Variants in QKI observed in about 807,000 individuals in gnomAD.
QKI encodes the protein QKI, KH domain containing RNA binding.
QKI carries 10 observed loss-of-function variants against 39.0 expected under a neutral mutation model. The observed-to-expected ratio is 0.26, with a 90% CI of 0.16 to 0.43. QKI has a LOEUF of 0.43. Among genes scored for constraint, QKI ranks in the 20% least tolerant of loss-of-function variants. The pLI, the probability that QKI is intolerant of heterozygous loss-of-function variation, is 1.00. For missense variants in QKI, 218 were observed against 428.0 expected (o/e 0.51, Z 4.33); for synonymous variants, 204 against 155.4 (o/e 1.31, Z -2.33).
Position 163,572,678 on chromosome 6 carries a change from C to CCCG in QKI, c.*1970_*1971insGCC, listed in dbSNP as rs1783768828. ...ATCTCAAGTGACAGTGGACCCCCCC[C>CCCG]CCCGCCCAGCTTATCAACTCGTCCC... is the stretch of plus-strand genomic sequence containing the variant. On this transcript the variant is annotated 3_prime_UTR_variant, in exon 8 of 8. Coordinates refer to ENST00000361752, the MANE Select transcript of QKI (RefSeq NM_006775.3). The CCCG allele has an allele frequency of 1.2e-5, 1 of 82,512 alleles. No individual in the cohort carries two copies. The highest frequency in any genetic ancestry group is 2.6e-5 in the Non-Finnish European group (1 of 38,756). The allele number at this position is 82,512 out of a possible 1,614,324, so 5.1% of individuals were successfully genotyped here.
intron 3 of QKI, among the ~76,000 whole-genome samples, chr6:163,509,482 G>T (rs1295353141): frequency 1.3e-5 from 2 of 152,006 alleles, no homozygotes; most frequent in African/African-American, 2.4e-5. Flanking sequence ...TAATAAAGGG[G>T]GGGGGGAATA....
chr6:163,462,576 A>C lies in QKI; in HGVS notation c.285+7155A>C, dbSNP rs139351506. On this transcript the variant is annotated intron_variant, in intron 2 of 7. Coordinates refer to ENST00000361752, the MANE Select transcript of QKI (RefSeq NM_006775.3). ...TTTAAGATTGCATATAAATAGTATA[A>C]ATTTGCCATGTTAAGGACAGATTAA... 9.8e-5 allele frequency among the ~76,000 whole-genome samples: 15 copies of C among 152,336 alleles called. No homozygotes were observed. In the East Asian group the frequency reaches 2.9e-3, roughly 29 times the overall value.
At chr6:163,568,989 G>A in intron 7 of QKI, 1 of 985,644 alleles carries the variant, frequency 1.0e-6, no homozygotes, top group Non-Finnish European at 1.2e-6. Context: ...CAGAAAAGAA[G>A]TCAGAGTTTT....
chr6:163,507,396 C>T (rs1760911470), intron 3 of QKI, among the ~76,000 whole-genome samples: 2 of 152,186 alleles, frequency 1.3e-5, no homozygotes, highest in Non-Finnish European at 2.9e-5. Flanking sequence ...CCAAGGAACT[C>T]TGTAGGATGA....
chr6:163,498,328 G>A (rs1445870178), intron 3 of QKI, among the ~76,000 whole-genome samples: 1 of 152,080 alleles, frequency 6.6e-6, no homozygotes, highest in Non-Finnish European at 1.5e-5. Flanking sequence ...GGACAATGTT[G>A]GTTTAGGCAG....
intron 4 of QKI, among the ~76,000 whole-genome samples, chr6:163,548,859 C>T (rs1241394353): frequency 6.6e-6 from 1 of 152,138 alleles, no homozygotes; most frequent in African/African-American, 2.4e-5. Flanking sequence ...CGGAAGGTGA[C>T]AGTTGAGTTA....
At chr6:163,532,170 C>T (rs9347759) in intron 3 of QKI, among the ~76,000 whole-genome samples, 127,811 of 152,222 alleles carry the variant, frequency 0.84, 54,248 homozygotes, top group East Asian at 1. Flanking sequence ...GAGGTTTCTG[C>T]GGCAAGTCAA....
Position 163,571,734 on chromosome 6 carries a change from A to G in QKI, c.*1024A>G, listed in dbSNP as rs947089421. 7.9e-5 allele frequency: 12 copies of G among 151,790 alleles called. No homozygotes were observed. The highest frequency in any genetic ancestry group is 2.9e-4 in the African/African-American group (12 of 41,412). 9.4% of individuals were successfully genotyped at this position (151,790 alleles called of 1,614,324 possible). On this transcript the variant is annotated 3_prime_UTR_variant, in exon 8 of 8. Transcript: ENST00000361752. ...TCAAGTGTTATAAAAAAAAAGAAAA[A>G]GAACAAAGAAACCCTTTATTTCATT...
At chr6:163,418,032 C>T (rs144896354) in intron 1 of QKI, among the ~76,000 whole-genome samples, 2 of 149,028 alleles carry the variant, frequency 1.3e-5, no homozygotes, top group East Asian at 3.9e-4. Flanking sequence ...TGCTTTACCC[C>T]TTTGTGGTTT....
chr6:163,495,040 C>G (rs370045188), intron 3 of QKI, among the ~76,000 whole-genome samples: 2 of 151,934 alleles, frequency 1.3e-5, no homozygotes, highest in Non-Finnish European at 2.9e-5. Context: ...CTCAGCCTCC[C>G]AGGTATCTGG....
intron 7 of QKI, chr6:163,569,468 C>G: frequency 1.6e-6 from 2 of 1,279,588 alleles, no homozygotes; most frequent in Non-Finnish European, 2.0e-6. Context: ...AAAATTCTAT[C>G]AAACCTCAGA....
Position 163,574,671 on chromosome 6 carries a change from G to C in QKI, c.*3961G>C, listed in dbSNP as rs1455371431. The C allele has an allele frequency of 2.6e-5, 4 of 152,134 alleles. No individual in the cohort carries two copies. The highest frequency in any genetic ancestry group is 5.9e-5 in the Non-Finnish European group (4 of 68,028). The allele number at this position is 152,134 out of a possible 1,614,324, so 9.4% of individuals were successfully genotyped here. A position where few individuals can be genotyped will look rare whatever the true frequency, so the allele number is the denominator to read the frequency against. On this transcript the variant is annotated 3_prime_UTR_variant, in exon 8 of 8. Coordinates refer to ENST00000361752, the MANE Select transcript of QKI (RefSeq NM_006775.3). ...TTCATGCTTTTCTTGGCTGGAACTT[G>C]GGTAAATTAACCTGTAATTATGAAT...
intron 1 of QKI, among the ~76,000 whole-genome samples, chr6:163,436,411 A>G (rs1244048748): frequency 1.3e-5 from 2 of 152,174 alleles, no homozygotes; most frequent in Non-Finnish European, 2.9e-5. Flanking sequence ...TTTAAGTTTA[A>G]AGCAAGTATG....
intron 2 of QKI, among the ~76,000 whole-genome samples, chr6:163,467,172 C>A (rs189712528): frequency 6.6e-6 from 1 of 152,284 alleles, no homozygotes; most frequent in Non-Finnish European, 1.5e-5. Context: ...CACACACACA[C>A]GTGCGTGTAC....
intron 3 of QKI, among the ~76,000 whole-genome samples, chr6:163,521,298 G>C (rs965801134): frequency 6.6e-6 from 1 of 152,080 alleles, no homozygotes; most frequent in Non-Finnish European, 1.5e-5. Context: ...ATGTGTTGTA[G>C]ATACCTGTCT....
At chr6:163,454,208 A>G (rs1326113173) in intron 1 of QKI, among the ~76,000 whole-genome samples, 2 of 152,168 alleles carry the variant, frequency 1.3e-5, no homozygotes, top group Admixed American at 1.3e-4. Flanking sequence ...TCCAAAGGAC[A>G]GGAGCCTGTC....
intron 7 of QKI, 28 bp downstream of exon 7, chr6:163,566,823 A>T: frequency 6.2e-7 from 1 of 1,611,238 alleles, no homozygotes; most frequent in Middle Eastern, 1.7e-4. Context: ...GTTCTTGTCT[A>T]TAAGAAATGC....
At chr6:163,536,896 C>T (rs991364287) in intron 4 of QKI, among the ~76,000 whole-genome samples, 2 of 152,140 alleles carry the variant, frequency 1.3e-5, no homozygotes, top group Non-Finnish European at 2.9e-5. Flanking sequence ...TTTTAACTGT[C>T]TTCATTTTCT....
At chr6:163,517,064 TC>T (rs1779854581) in intron 3 of QKI, among the ~76,000 whole-genome samples, 1 of 75,614 alleles carries the variant, frequency 1.3e-5, no homozygotes, top group Non-Finnish European at 2.4e-5. Context: ...ACTCACTCTC[TC>T]TCTCTCTCTC....
Sources: allele counts gnomAD v4.1 joint callset (sites outside exome capture counted in the v4.1 genomes callset), GRCh38; gene constraint gnomAD v4.1.1; transcripts MANE v1.5; gene names NCBI Gene and HGNC (gene_info 2026-07-23, HGNC 2026-07-21).